The following KDM4C variants were observed in gnomAD, a reference collection of about 807,000 sequenced individuals.
KDM4C encodes the protein lysine demethylase 4C.
KDM4C carries 81 observed loss-of-function variants against 129.3 expected under a neutral mutation model. The ratio of observed to expected loss-of-function variants is 0.63; its 90% CI spans 0.52 to 0.75. The LOEUF (loss-of-function observed/expected upper bound fraction) is 0.75, where lower values mean the gene tolerates loss of function less well. KDM4C is among the 30% of genes least tolerant of loss of function. The pLI, the probability that KDM4C is intolerant of heterozygous loss-of-function variation, is 0.00. For missense variants in KDM4C, 1,457 were observed against 1,304.0 expected (o/e 1.12, Z -1.81); for synonymous variants, 573 against 456.1 (o/e 1.26, Z -3.26).
chr9:7,098,939 G>T (rs1205046933), intron 17 of KDM4C, among the ~76,000 whole-genome samples: 2 of 151,500 alleles, frequency 1.3e-5, no homozygotes, highest in Admixed American at 6.6e-5. Flanking sequence ...TGTATTTAAG[G>T]ACTTGGAGCA....
At chr9:6,984,080 C>G in intron 9 of KDM4C, 86 bp from the exon 10 acceptor site, 2 of 793,722 alleles carry the variant, frequency 2.5e-6, no homozygotes, top group African/African-American at 1.7e-5. Flanking sequence ...CTTCTTTAAG[C>G]AAGTGAAAAT....
intron 18 of KDM4C, among the ~76,000 whole-genome samples, chr9:7,119,957 ACT>A (rs1247719782): frequency 1.3e-5 from 2 of 151,084 alleles, no homozygotes; most frequent in South Asian, 4.2e-4. Flanking sequence ...GAGAGAAGGG[ACT>A]CTCTCATTAT....
At chr9:7,011,560 T>G in intron 12 of KDM4C, 138 bp from the exon 13 acceptor site, 2 of 717,192 alleles carry the variant, frequency 2.8e-6, no homozygotes, top group Non-Finnish European at 4.7e-6. Flanking sequence ...TCTCTCAGGA[T>G]GTATTTGAAA....
chr9:6,757,719 A>G (rs1374084132), upstream of KDM4C: 2 of 985,480 alleles, frequency 2.0e-6, no homozygotes, highest in Non-Finnish European at 1.2e-6. Context: ...GACCCCAGCC[A>G]GCGCTTCCGG....
At chr9:6,743,395 G>A (rs1366001269) in intron 1 of KDM4C, among the ~76,000 whole-genome samples, 2 of 152,102 alleles carry the variant, frequency 1.3e-5, no homozygotes, top group African/African-American at 2.4e-5. Context: ...GAGTTAATGA[G>A]CAACAAGGAT....
chr9:6,800,103 C>A (rs1428717569), intron 2 of KDM4C, among the ~76,000 whole-genome samples: 1 of 152,126 alleles, frequency 6.6e-6, no homozygotes, highest in African/African-American at 2.4e-5. Flanking sequence ...CACAGTGACT[C>A]ACGCCTGTAA....
intron 8 of KDM4C, among the ~76,000 whole-genome samples, chr9:6,950,264 T>C (rs1827897109): frequency 6.6e-6 from 1 of 152,220 alleles, no homozygotes; most frequent in African/African-American, 2.4e-5. Flanking sequence ...AACTATTCTT[T>C]CTATAGTTCA....
At chr9:6,774,304 A>G (rs1225435029) in intron 1 of KDM4C, among the ~76,000 whole-genome samples, 1 of 152,222 alleles carries the variant, frequency 6.6e-6, no homozygotes, top group African/African-American at 2.4e-5. Context: ...GGTAATATAC[A>G]AACATATGGA....
At chr9:7,146,314 G>A (rs1188111369) in intron 19 of KDM4C, among the ~76,000 whole-genome samples, 2 of 152,084 alleles carry the variant, frequency 1.3e-5, no homozygotes, top group Non-Finnish European at 2.9e-5. Flanking sequence ...CCATATGAAC[G>A]TGTTTTATTT....
At chr9:7,007,852 A>G (rs1821964213) in intron 12 of KDM4C, among the ~76,000 whole-genome samples, 2 of 152,346 alleles carry the variant, frequency 1.3e-5, no homozygotes, top group African/African-American at 4.8e-5. Context: ...ATAAAGTTAC[A>G]TTTATTTTCA....
intron 8 of KDM4C, among the ~76,000 whole-genome samples, chr9:6,934,655 G>C (rs923483106): frequency 6.6e-6 from 1 of 151,696 alleles, no homozygotes; most frequent in African/African-American, 2.4e-5. Context: ...GTAGAGATGG[G>C]GTTTCACCAT....
At chr9:6,745,540 T>C (rs1390281085) in intron 1 of KDM4C, among the ~76,000 whole-genome samples, 1 of 137,884 alleles carries the variant, frequency 7.3e-6, no homozygotes, top group Non-Finnish European at 1.5e-5. Context: ...AGAGGAGGTG[T>C]GATGGCACCT....
intron 6 of KDM4C, among the ~76,000 whole-genome samples, chr9:6,883,131 A>G (rs1262604671): frequency 6.6e-6 from 1 of 152,216 alleles, no homozygotes; most frequent in Non-Finnish European, 1.5e-5. Flanking sequence ...ACAGATTCTA[A>G]ATTAACCTGC....
At chr9:7,056,966 A>G (rs1830954669) in intron 17 of KDM4C, among the ~76,000 whole-genome samples, 1 of 152,194 alleles carries the variant, frequency 6.6e-6, no homozygotes, top group African/African-American at 2.4e-5. Context: ...AGCTCTAAAC[A>G]ATCTGTAGGG....
chr9:7,046,284 C>T (rs1829378166), intron 15 of KDM4C, among the ~76,000 whole-genome samples: 1 of 151,930 alleles, frequency 6.6e-6, no homozygotes, highest in Non-Finnish European at 1.5e-5. Context: ...GTGCTGTTTT[C>T]TCGGGCCGGA....
rs200609771 is a variant in KDM4C, at chr9:7,050,055, C to T, written c.2424+855C>T. 1.2e-4 allele frequency among the ~76,000 whole-genome samples: 18 copies of T among 152,130 alleles called. No homozygotes were observed. In the East Asian group the frequency reaches 3.5e-3, roughly 29 times the overall value. On this transcript the variant is annotated intron_variant, in intron 17 of 21. Coordinates refer to ENST00000381309, the MANE Select transcript of KDM4C (RefSeq NM_015061.6). ...TTTTCTTGACTGTTGCTTGTTTTCC[C>T]ACTGCTCTTTTCCCCAATGGCGAGC...
chr9:6,848,157 G>A (rs1369068067), intron 4 of KDM4C, among the ~76,000 whole-genome samples: 1 of 152,036 alleles, frequency 6.6e-6, no homozygotes, highest in East Asian at 1.9e-4. Flanking sequence ...GCCTCCCAAA[G>A]TGCTGGGATT....
intron 3 of KDM4C, among the ~76,000 whole-genome samples, chr9:6,810,954 C>G (rs1831034177): frequency 6.6e-6 from 1 of 152,156 alleles, no homozygotes; most frequent in Admixed American, 6.5e-5. Flanking sequence ...TAATGTTAAA[C>G]AACTTTTGAA....
chr9:6,875,847 A>G (rs767713190), intron 5 of KDM4C, among the ~76,000 whole-genome samples: 2 of 152,184 alleles, frequency 1.3e-5, no homozygotes, highest in Non-Finnish European at 2.9e-5. Context: ...CTCAGCACCT[A>G]TCTCCTGAAT....
Sources: allele counts gnomAD v4.1 joint callset (sites outside exome capture counted in the v4.1 genomes callset), GRCh38; gene constraint gnomAD v4.1.1; transcripts MANE v1.5; gene names NCBI Gene and HGNC (gene_info 2026-07-23, HGNC 2026-07-21).